Variants in ZYG11A observed in about 807,000 individuals in gnomAD.
ZYG11A encodes protein zyg-11 homolog A.
A neutral mutation model predicts 77.2 loss-of-function variants in ZYG11A; 62 were observed. That is an observed-to-expected ratio of 0.80 (90% CI 0.65 to 0.99). ZYG11A has a LOEUF of 0.99. Among genes scored for constraint, ZYG11A ranks in the 50% least tolerant of loss-of-function variants. The pLI, the probability that ZYG11A is intolerant of heterozygous loss-of-function variation, is 0.00. For missense variants in ZYG11A, 828 were observed against 896.8 expected, an observed-to-expected ratio of 0.92 and a Z score of 0.98; for synonymous variants, 315 against 324.6, an observed-to-expected ratio of 0.97 and a Z score of 0.32.
Position 52,866,504 on chromosome 1 carries a change from T to A in ZYG11A, c.1328T>A (p.Leu443Ter), listed in dbSNP as rs1571857572. Residue 443 changes from leucine (L) to a stop codon, truncating the protein, a stop_gained and splice_region_variant, in exon 6 of 14, where the codon TTA (leucine) becomes TAA (stop). Coordinates refer to ENST00000371528, the MANE Select transcript of ZYG11A (RefSeq NM_001004339.3). LOFTEE classifies it high-confidence loss of function. ...ALKNFPHYQQLQKNCLLSLTN... is the reference protein window; with the variant it reads ...ALKNFPHYQQ Reference sequence around the variant, plus strand: ...TTATTTTTCTTTATTCTCTAAAAGTTACAGAAGAATTGTCTTCTCTCCTTA... The same window carrying A: ...TTATTTTTCTTTATTCTCTAAAAGTAACAGAAGAATTGTCTTCTCTCCTTA... 3 of 1,489,468 alleles carry A rather than the reference T, an allele frequency of 2.0e-6. No homozygotes were observed. Among genetic ancestry groups the A allele is most frequent in the Non-Finnish European group, 1.8e-6 (2 of 1,092,248 alleles). The allele number at this position is 1,489,468 out of a possible 1,614,324, so 92.3% of individuals were successfully genotyped here.
chr1:52,845,590 CT>C (rs1360317454), intron 1 of ZYG11A, among the ~76,000 whole-genome samples: 1 of 150,962 alleles, frequency 6.6e-6, no homozygotes, highest in Non-Finnish European at 1.5e-5. Context: ...ACCCAAAGTG[CT>C]GGGATTACAG....
At chr1:52,862,966 T>C (rs1049435426) in intron 4 of ZYG11A, among the ~76,000 whole-genome samples, 1 of 152,132 alleles carries the variant, frequency 6.6e-6, no homozygotes, top group African/African-American at 2.4e-5. Context: ...TTGTTTTTTC[T>C]GTAAAGATGA....
At chr1:52,865,980 C>G (rs1347616421) in intron 5 of ZYG11A, among the ~76,000 whole-genome samples, 1 of 146,502 alleles carries the variant, frequency 6.8e-6, no homozygotes, top group Non-Finnish European at 1.5e-5. Context: ...CTCTGTCGCC[C>G]AGGCTGGAGT....
intron 8 of ZYG11A, among the ~76,000 whole-genome samples, chr1:52,872,380 A>G (rs189024450): frequency 6.6e-6 from 1 of 152,214 alleles, no homozygotes; most frequent in Non-Finnish European, 1.5e-5. Flanking sequence ...CTGGGATTAT[A>G]GGTGTGAGCC....
At chr1:52,867,871 A>G (rs1483266467) in intron 8 of ZYG11A, 94 bp downstream of exon 8, 3 of 1,055,530 alleles carry the variant, frequency 2.8e-6, no homozygotes, top group Non-Finnish European at 4.1e-6. Flanking sequence ...CAAAAGGCCT[A>G]TTAAGGTGAG....
intron 1 of ZYG11A, 60 bp downstream of exon 1, chr1:52,843,033 CGCGGCGAGT>C: frequency 7.1e-7 from 1 of 1,416,706 alleles, no homozygotes. Context: ...CTCCGGCGAG[CGCGGCGAGT>C]CTCCTGGGAC....
Position 52,892,982 on chromosome 1 carries a change from G to A in ZYG11A, c.*25G>A. On this transcript the variant is annotated 3_prime_UTR_variant, in exon 14 of 14. Coordinates refer to ENST00000371528, the MANE Select transcript of ZYG11A (RefSeq NM_001004339.3). ...AACCTAAGGAATTTCAGAGGTGTGT[G>A]CTCTTCCTCAATGTCAGGTGTTCTG... 1.3e-6 allele frequency: 2 copies of A among 1,543,236 alleles called. No homozygotes were observed. Among genetic ancestry groups the A allele is most frequent in the Non-Finnish European group, 1.8e-6 (2 of 1,141,302 alleles).
rs201232574 is a variant in ZYG11A at position 52,885,819 on chromosome 1, T to C, written c.1945-14T>C. On this transcript the variant is annotated splice_polypyrimidine_tract_variant and intron_variant, in intron 11 of 13. Coordinates refer to ENST00000371528, the MANE Select transcript of ZYG11A (RefSeq NM_001004339.3). ...TATTCAAATGTTGGTTTCTCTCTCT[T>C]GTTTTTGGAGTAGCATGCAACCATA... is the stretch of plus-strand genomic sequence containing the variant. 6.6e-7 allele frequency: 1 copy of C among 1,519,826 alleles called. No individual in the cohort carries two copies. The highest frequency in any genetic ancestry group is 1.3e-5 in the South Asian group (1 of 78,414). The allele number at this position is 1,519,826 out of a possible 1,614,324, so 94.1% of individuals were successfully genotyped here.
At chr1:52,861,673 C>T (rs1645929425) in intron 4 of ZYG11A, among the ~76,000 whole-genome samples, 1 of 151,274 alleles carries the variant, frequency 6.6e-6, no homozygotes, top group South Asian at 2.1e-4. Flanking sequence ...CATTGCACTC[C>T]CTCCTGGTGA....
chr1:52,873,534 C>T (rs1039976911), intron 8 of ZYG11A, among the ~76,000 whole-genome samples: 10 of 152,080 alleles, frequency 6.6e-5, no homozygotes, highest in Admixed American at 5.2e-4. Flanking sequence ...TGAAGAATTG[C>T]TTGTTGGGGA....
At chr1:52,890,049 G>A (rs370596783) in intron 13 of ZYG11A, among the ~76,000 whole-genome samples, 1 of 127,866 alleles carries the variant, frequency 7.8e-6, no homozygotes, top group Non-Finnish European at 1.7e-5. Flanking sequence ...GCTCATCACT[G>A]CTTGTTTTTT....
intron 13 of ZYG11A, among the ~76,000 whole-genome samples, chr1:52,889,868 T>C (rs1029175901): frequency 2.6e-5 from 4 of 151,730 alleles, no homozygotes; most frequent in Non-Finnish European, 4.4e-5. Context: ...CCCGCCACCA[T>C]GCCCGGCTAA....
intron 8 of ZYG11A, among the ~76,000 whole-genome samples, chr1:52,874,518 CTA>C (rs1163950082): frequency 6.6e-6 from 1 of 152,086 alleles, no homozygotes; most frequent in African/African-American, 2.4e-5. Flanking sequence ...TCTCAAAGTG[CTA>C]TGATTATAGG....
intron 1 of ZYG11A, among the ~76,000 whole-genome samples, chr1:52,851,018 A>G (rs1332673434): frequency 1.3e-5 from 2 of 152,012 alleles, no homozygotes; most frequent in East Asian, 1.9e-4. Context: ...GTGTCTATAT[A>G]TATTTTGCAA....
chr1:52,878,643 T>C (rs141835267), intron 10 of ZYG11A, among the ~76,000 whole-genome samples: 174 of 152,138 alleles, frequency 1.1e-3, no homozygotes, highest in African/African-American at 4.0e-3. Flanking sequence ...TTATCCTAAT[T>C]AGAACTCAAA....
chr1:52,843,826 A>G (rs1404618021), intron 1 of ZYG11A, among the ~76,000 whole-genome samples: 2 of 151,644 alleles, frequency 1.3e-5, no homozygotes, highest in African/African-American at 4.8e-5. Context: ...AGGTGGGACT[A>G]CAGGCGCGTG....
intron 2 of ZYG11A, among the ~76,000 whole-genome samples, chr1:52,855,791 A>G (rs989430142): frequency 1.6e-4 from 25 of 152,172 alleles, no homozygotes; most frequent in Middle Eastern, 3.4e-3. Context: ...ACCACATTGT[A>G]TTTATCTGTT....
At position 52,885,036 on chromosome 1, in the gene ZYG11A, G is replaced by A. The variant is rs377662182; in HGVS notation, c.1945-797G>A. Among the ~76,000 whole-genome samples, 51 of 152,138 alleles carry A rather than the reference G, an allele frequency of 3.4e-4. No individual in the cohort carries two copies. The South Asian group carries it at 7.9e-3, about 24-fold the overall frequency. ...CGATTCTCCTGCCTCAGTCTCCTGA[G>A]TAGCTGGGATTATAGGCACACACCA... On this transcript the variant is annotated intron_variant, in intron 11 of 13. Transcript: ENST00000371528.
Position 52,893,033 on chromosome 1 carries a change from G to A in ZYG11A, c.*76G>A. ...CCCTGGCAGTAATTGCACATCAGTT[G>A]TCATTGGAGTTTGTGAGTTGGCTGT... On this transcript the variant is annotated 3_prime_UTR_variant, in exon 14 of 14. Transcript: ENST00000371528. 1 of 1,320,782 alleles carries A rather than the reference G, an allele frequency of 7.6e-7. No individual in the cohort carries two copies. The highest frequency in any genetic ancestry group is 1.0e-6 in the Non-Finnish European group (1 of 971,550). The allele number at this position is 1,320,782 out of a possible 1,614,324, so 81.8% of individuals were successfully genotyped here. A position where few individuals can be genotyped will look rare whatever the true frequency, so the allele number is the denominator to read the frequency against.
Sources: allele counts gnomAD v4.1 joint callset (sites outside exome capture counted in the v4.1 genomes callset), GRCh38; gene constraint gnomAD v4.1.1; transcripts MANE v1.5; gene names NCBI Gene and HGNC (gene_info 2026-07-23, HGNC 2026-07-21).